Variants in PTPRN2 observed in about 807,000 individuals in gnomAD.
PTPRN2 encodes protein tyrosine phosphatase receptor type N2.
PTPRN2 carries 74 observed loss-of-function variants against 118.8 expected under a neutral mutation model. The observed-to-expected ratio is 0.62, with a 90% CI of 0.52 to 0.76. The LOEUF is 0.76. Among genes scored for constraint, PTPRN2 ranks in the 30% least tolerant of loss-of-function variants. The probability of loss-of-function intolerance (pLI) is 0.00; values close to 1 mark genes in which losing one functional copy is unlikely to be tolerated. For synonymous variants in PTPRN2, 641 were observed against 608.0 expected (o/e 1.05, Z -0.80); for missense variants, 1,481 against 1,394.4 (o/e 1.06, Z -0.99).
At chr7:157,918,063 C>T (rs1430371723) in intron 11 of PTPRN2, among the ~76,000 whole-genome samples, 4 of 152,166 alleles carry the variant, frequency 2.6e-5, no homozygotes, top group African/African-American at 9.7e-5. Flanking sequence ...AAAGATTCTT[C>T]CTGGACGCAC....
At chr7:158,564,966 C>A (rs1449830532) in intron 1 of PTPRN2, among the ~76,000 whole-genome samples, 1 of 152,192 alleles carries the variant, frequency 6.6e-6, no homozygotes, top group Non-Finnish European at 1.5e-5. Flanking sequence ...GAGTTGCATT[C>A]TCCTGAGGGA....
At chr7:157,672,548 C>A (rs77605785) in intron 13 of PTPRN2, among the ~76,000 whole-genome samples, 1 of 152,144 alleles carries the variant, frequency 6.6e-6, no homozygotes, top group Non-Finnish European at 1.5e-5. Flanking sequence ...GATTCCAGGT[C>A]GGGAAAGGCC....
intron 12 of PTPRN2, among the ~76,000 whole-genome samples, chr7:157,735,352 C>T (rs1800236440): frequency 6.6e-6 from 1 of 152,210 alleles, no homozygotes; most frequent in Admixed American, 6.5e-5. Context: ...TGGGTGCAGC[C>T]ATCTCTGACT....
intron 2 of PTPRN2, among the ~76,000 whole-genome samples, chr7:158,382,996 G>A (rs1421419951): frequency 1.3e-5 from 2 of 152,166 alleles, no homozygotes; most frequent in African/African-American, 4.8e-5. Flanking sequence ...GGTCCCTGGT[G>A]CCAAAAAGGT....
intron 8 of PTPRN2, 64 bp downstream of exon 8, chr7:158,136,591 A>G: frequency 6.5e-7 from 1 of 1,526,886 alleles, no homozygotes; most frequent in Non-Finnish European, 9.1e-7. Context: ...TTCCCACACC[A>G]TGAACAAAAA....
intron 3 of PTPRN2, among the ~76,000 whole-genome samples, chr7:158,287,271 A>T (rs575406701): frequency 1.3e-5 from 2 of 152,208 alleles, no homozygotes; most frequent in African/African-American, 4.8e-5. Context: ...TTCAACAAAC[A>T]AACTCTTAGT....
intron 22 of PTPRN2, among the ~76,000 whole-genome samples, chr7:157,546,692 C>T (rs1300934806): frequency 3.3e-5 from 5 of 152,150 alleles, no homozygotes; most frequent in Admixed American, 1.3e-4. Context: ...TGGGCATTTG[C>T]GTTGGTTCCA....
intron 12 of PTPRN2, among the ~76,000 whole-genome samples, chr7:157,771,315 C>T (rs990795461): frequency 5.9e-5 from 9 of 152,252 alleles, no homozygotes; most frequent in Non-Finnish European, 1.2e-4. Context: ...GAGAGCAAAA[C>T]AGGGCTCTCC....
At position 157,893,436 on chromosome 7, in the gene PTPRN2, G is replaced by A. The variant is rs1364022688; in HGVS notation, c.1788+5237C>T. Among the ~76,000 whole-genome samples the A allele has an allele frequency of 6.6e-6, 1 of 152,204 alleles. No individual in the cohort carries two copies. Among genetic ancestry groups the A allele is most frequent in the African/African-American group, 2.4e-5 (1 of 41,452 alleles). On this transcript the variant is annotated intron_variant, in intron 12 of 22. Transcript: ENST00000389418. The surrounding 1 kb of genome is among the most constrained non-coding windows in gnomAD (Gnocchi z 4.0). Reference sequence around the variant, plus strand: ...TATGAGATGGGTGGGCATCAGGAGTGGGCAGAGGCCAATTCTTTCCAGAGT... The same window carrying A: ...TATGAGATGGGTGGGCATCAGGAGTAGGCAGAGGCCAATTCTTTCCAGAGT...
At chr7:158,286,644 A>G (rs1008092836) in intron 3 of PTPRN2, among the ~76,000 whole-genome samples, 9 of 152,196 alleles carry the variant, frequency 5.9e-5, no homozygotes, top group African/African-American at 2.2e-4. Flanking sequence ...TCAATGTGGC[A>G]TATCACATTA....
chr7:157,721,780 C>T (rs1799249900), intron 12 of PTPRN2, among the ~76,000 whole-genome samples: 1 of 152,214 alleles, frequency 6.6e-6, no homozygotes, highest in Non-Finnish European at 1.5e-5. Context: ...AGGGCTCCTC[C>T]TGTGCTCCTG....
intron 12 of PTPRN2, among the ~76,000 whole-genome samples, chr7:157,773,535 G>C (rs1186187694): frequency 1.3e-5 from 2 of 152,188 alleles, no homozygotes; most frequent in African/African-American, 2.4e-5. Context: ...CCCGCTGCGA[G>C]GGCCAGGGGC....
At position 158,352,880 on chromosome 7, in the gene PTPRN2, T is replaced by C. The variant is rs118141177; in HGVS notation, c.164-35948A>G. ...CTGCAGCTGCCTGGCTCTCTCTGCCTGTTACTCTGTTTCTGGAACATGGCA... is the reference window on the plus strand; with the variant it reads ...CTGCAGCTGCCTGGCTCTCTCTGCCCGTTACTCTGTTTCTGGAACATGGCA... On this transcript the variant is annotated intron_variant, in intron 2 of 22. Transcript: ENST00000389418. Among the ~76,000 whole-genome samples the C allele has an allele frequency of 3.5e-4, 53 of 152,370 alleles. No homozygotes were observed. In the East Asian group the frequency reaches 0.01, roughly 29 times the overall value.
chr7:158,449,960 T>C (rs67370758), intron 2 of PTPRN2, among the ~76,000 whole-genome samples: 65,665 of 152,116 alleles, frequency 0.43, 15,090 homozygotes, highest in African/African-American at 0.59. Flanking sequence ...GAGGATGCCG[T>C]GGTGCCACAG....
chr7:157,555,501 C>CT (rs1398925959), intron 21 of PTPRN2, among the ~76,000 whole-genome samples: 1 of 152,216 alleles, frequency 6.6e-6, no homozygotes, highest in Non-Finnish European at 1.5e-5. Flanking sequence ...CCCTAGACCA[C>CT]ATCCTCCCAG....
chr7:158,270,816 C>T (rs1344494491), intron 3 of PTPRN2, among the ~76,000 whole-genome samples: 3 of 13,256 alleles, frequency 2.3e-4, no homozygotes, highest in Non-Finnish European at 3.2e-4. Context: ...TCACCTGGAC[C>T]GCCCCCTCCA....
At chr7:157,988,880 T>A (rs1048665873) in intron 11 of PTPRN2, among the ~76,000 whole-genome samples, 1 of 152,196 alleles carries the variant, frequency 6.6e-6, no homozygotes, top group Non-Finnish European at 1.5e-5. Context: ...CACATCTGTG[T>A]CTAAAGCCAG....
chr7:157,754,971 C>T (rs1229987480), intron 12 of PTPRN2, among the ~76,000 whole-genome samples: 1 of 152,140 alleles, frequency 6.6e-6, no homozygotes, highest in Non-Finnish European at 1.5e-5. Flanking sequence ...TGAAGCCTCA[C>T]CTTCCCTGGG....
intron 2 of PTPRN2, among the ~76,000 whole-genome samples, chr7:158,339,805 C>T (rs1467810899): frequency 1.0e-5 from 1 of 99,002 alleles, no homozygotes; most frequent in Non-Finnish European, 2.2e-5. Flanking sequence ...AGAAGTGACA[C>T]CTGCAAATGT....
Sources: allele counts gnomAD v4.1 joint callset (sites outside exome capture counted in the v4.1 genomes callset), GRCh38; gene constraint gnomAD v4.1.1; non-coding constraint Gnocchi (gnomAD v3.1); transcripts MANE v1.5; gene names NCBI Gene and HGNC (gene_info 2026-07-23, HGNC 2026-07-21).